NR2E1: variants seen among roughly 807,000 people sequenced by gnomAD.
NR2E1 encodes the protein nuclear receptor subfamily 2 group E member 1.
Under a neutral mutation model 43.6 loss-of-function variants are expected in NR2E1, and 5 were observed. The ratio of observed to expected loss-of-function variants is 0.11; its 90% CI spans 0.06 to 0.24. The LOEUF (loss-of-function observed/expected upper bound fraction) is 0.24, where lower values mean the gene tolerates loss of function less well. Ranked by LOEUF, NR2E1 falls within the 10% of genes least tolerant of loss-of-function variation. The pLI, the probability that NR2E1 is intolerant of heterozygous loss-of-function variation, is 1.00. For missense variants in NR2E1, 287 were observed against 496.7 expected, an observed-to-expected ratio of 0.58 and a Z score of 4.01; for synonymous variants, 191 against 195.5, an observed-to-expected ratio of 0.98 and a Z score of 0.19.
At chr6:108,176,091 A>G in intron 3 of NR2E1, 1 of 185,846 alleles carries the variant, frequency 5.4e-6, no homozygotes, top group Non-Finnish European at 1.1e-5. Context: ...GTCTGCGCAG[A>G]AACGAGGTGT....
rs1387192394 is a variant in NR2E1 at position 108,176,404 on chromosome 6, C to T, written c.260-99C>T. On this transcript the variant is annotated intron_variant, in intron 3 of 8. Transcript: ENST00000368986. ...TTCACCTCTTGGGCGATTTTGCCCG[C>T]CCAGACTTGACATTGGGGCGGGGCT... The T allele has an allele frequency of 3.1e-6, 4 of 1,270,038 alleles. No homozygotes were observed. In the East Asian group the frequency reaches 9.9e-5, roughly 31 times the overall value. 78.7% of individuals were successfully genotyped at this position (1,270,038 alleles called of 1,614,324 possible). A position where few individuals can be genotyped will look rare whatever the true frequency, so the allele number is the denominator to read the frequency against.
Position 108,188,016 on chromosome 6 carries a change from G to A in NR2E1, c.*553G>A, listed in dbSNP as rs1331973923. On this transcript the variant is annotated 3_prime_UTR_variant, in exon 9 of 9. Transcript: ENST00000368986. Reference sequence around the variant, plus strand: ...TCAGAACTGAGTTAATAAGTGAAAAGTAGCTTATGCCATGTGATTTGCTTT... The same window carrying A: ...TCAGAACTGAGTTAATAAGTGAAAAATAGCTTATGCCATGTGATTTGCTTT... 2 of 155,874 alleles carry A rather than the reference G, an allele frequency of 1.3e-5. No homozygotes were observed. Among genetic ancestry groups the A allele is most frequent in the Non-Finnish European group, 2.9e-5 (2 of 70,084 alleles). 9.7% of individuals were successfully genotyped at this position (155,874 alleles called of 1,614,324 possible).
chr6:108,178,177 T>C lies in NR2E1; in HGVS notation c.578T>C (p.Leu193Pro). Residue 193 changes from leucine (L) to proline (P), a missense_variant, in exon 5 of 9, where the codon CTC becomes CCC. By Grantham distance (98) the Leu-to-Pro change is moderately conservative (BLOSUM62 -3). Around this residue, in one of 4 missense-constraint regions of NR2E1, gnomAD observed 119 missense variants for 155.7 expected, o/e 0.76. Coordinates refer to ENST00000368986, the MANE Select transcript of NR2E1 (RefSeq NM_003269.5). Reference sequence around the variant, plus strand: ...GTGTGTGAATCAGCTGCCAGACTTCTCTTCATGAGCATCAAGTGGGCTAAG... The same window carrying C: ...GTGTGTGAATCAGCTGCCAGACTTCCCTTCATGAGCATCAAGTGGGCTAAG... Reference protein sequence around the residue: ...ESVCESAARLLFMSIKWAKSV... With the variant: ...ESVCESAARLPFMSIKWAKSV... 6.2e-7 allele frequency: 1 copy of C among 1,614,204 alleles called. No individual in the cohort carries two copies. The highest frequency in any genetic ancestry group is 8.5e-7 in the Non-Finnish European group (1 of 1,180,028).
chr6:108,185,364 A>C (rs1380758885), intron 8 of NR2E1, among the ~76,000 whole-genome samples: 1 of 150,616 alleles, frequency 6.6e-6, no homozygotes, highest in Admixed American at 6.7e-5. Context: ...TTGATTAGTC[A>C]GACCTTCTCT....
chr6:108,176,000 C>T (rs75343073), intron 3 of NR2E1: 9,668 of 158,826 alleles, frequency 0.061, 388 homozygotes, highest in Middle Eastern at 0.13. Context: ...TTTCCTCCTG[C>T]GGCCCTCGGA....
Position 108,181,669 on chromosome 6 carries a change from T to C in NR2E1, c.995+18T>C. The C allele has an allele frequency of 6.2e-7, 1 of 1,600,540 alleles. No individual in the cohort carries two copies. Among genetic ancestry groups the C allele is most frequent in the Non-Finnish European group, 8.6e-7 (1 of 1,167,626 alleles). On this transcript the variant is annotated intron_variant, in intron 8 of 8. Coordinates refer to ENST00000368986, the MANE Select transcript of NR2E1 (RefSeq NM_003269.5). ...CATACCAGGTGACCCTTGTTTGCCTTGAACATGTACTTAAGAAAATTGCCT... is the reference window on the plus strand; with the variant it reads ...CATACCAGGTGACCCTTGTTTGCCTCGAACATGTACTTAAGAAAATTGCCT...
chr6:108,178,729 A>T, intron 5 of NR2E1: 1 of 227,862 alleles, frequency 4.4e-6, no homozygotes, highest in Non-Finnish European at 8.9e-6. Flanking sequence ...TCATTAATTG[A>T]TAAGCATGTA....
chr6:108,174,736 G>A lies in NR2E1; in HGVS notation c.172-100G>A, dbSNP rs2233490. The A allele has an allele frequency of 1.1e-3, 1,049 of 960,902 alleles. 6 individuals are homozygous for A. The African/African-American group carries it at 0.015, about 14-fold the overall frequency. 59.5% of individuals were successfully genotyped at this position (960,902 alleles called of 1,614,324 possible). Reference sequence around the variant, plus strand: ...TCGGGGCTCCAGGGCCTGCGGCCGGGCAAGGTCGCGCCTCCACACCGTTTC... The same window carrying A: ...TCGGGGCTCCAGGGCCTGCGGCCGGACAAGGTCGCGCCTCCACACCGTTTC... On this transcript the variant is annotated intron_variant, in intron 2 of 8. Coordinates refer to ENST00000368986, the MANE Select transcript of NR2E1 (RefSeq NM_003269.5).
rs1773767404 is a variant in NR2E1 at position 108,169,393 on chromosome 6, A to T, written c.26-2065A>T. On this transcript the variant is annotated intron_variant, in intron 1 of 8. Coordinates refer to ENST00000368986, the MANE Select transcript of NR2E1 (RefSeq NM_003269.5). This position sits in a 1 kb window ranked among gnomAD's most constrained non-coding sequence, Gnocchi z 6.1. Reference sequence around the variant, plus strand: ...TCCACCCTCATCGGGTTCTCCAGAGATGTTGTCATGGGCCTCCTGTCCGGA... The same window carrying T: ...TCCACCCTCATCGGGTTCTCCAGAGTTGTTGTCATGGGCCTCCTGTCCGGA... Among the ~76,000 whole-genome samples, 1 of 152,082 alleles carries T rather than the reference A, an allele frequency of 6.6e-6. No homozygotes were observed. Among genetic ancestry groups the T allele is most frequent in the East Asian group, 1.9e-4 (1 of 5,176 alleles).
rs1562406416 is a variant in NR2E1 at position 108,182,082 on chromosome 6, C to CA, written c.995+438dup. Among the ~76,000 whole-genome samples, 3 of 151,678 alleles carry CA rather than the reference C, an allele frequency of 2.0e-5. No homozygotes were observed. In the South Asian group the frequency reaches 6.3e-4, roughly 32 times the overall value. On this transcript the variant is annotated intron_variant, in intron 8 of 8. Transcript: ENST00000368986. The stretch of plus-strand genomic sequence containing the variant: ...GAAACCCCGTCTCTACTAAATAATA[C>CA]AAAAAAATTAGCTGGGTGTGGTGGT...
At chr6:108,184,374 G>A (rs1200935052) in intron 8 of NR2E1, among the ~76,000 whole-genome samples, 2 of 152,198 alleles carry the variant, frequency 1.3e-5, no homozygotes, top group Non-Finnish European at 2.9e-5. Flanking sequence ...ATGCAGGGCT[G>A]CAGGTGGGCG....
intron 8 of NR2E1, among the ~76,000 whole-genome samples, chr6:108,183,332 C>T (rs1774021503): frequency 6.7e-6 from 1 of 149,548 alleles, no homozygotes; most frequent in South Asian, 2.1e-4. Context: ...AAGACCCCAT[C>T]TCCACCAAAA....
rs1471522364 is a variant in NR2E1 at position 108,176,696 on chromosome 6, A to G, written c.453A>G (p.Pro151=). The G allele has an allele frequency of 1.3e-6, 2 of 1,594,140 alleles. No homozygotes were observed. Among genetic ancestry groups the G allele is most frequent in the South Asian group, 1.1e-5 (1 of 89,354 alleles). Residue 151 remains proline (P), a synonymous_variant, in exon 4 of 9, where the codon CCA becomes CCG. Coordinates refer to ENST00000368986, the MANE Select transcript of NR2E1 (RefSeq NM_003269.5). ...AGCTGGCCGCGGTGTCCACCACTCC[A>G]GAGCGGCAGACCCTCGTGAGCCTGG... ...GLELAAVSTT[P]ERQTLVSLAQ... is the part of the protein sequence containing the mutation.
chr6:108,175,209 C>T (rs1172784233), intron 3 of NR2E1, among the ~76,000 whole-genome samples: 2 of 152,204 alleles, frequency 1.3e-5, no homozygotes, highest in Non-Finnish European at 2.9e-5. Flanking sequence ...TCCAGGGGAC[C>T]GGCGCGCATT....
intron 5 of NR2E1, among the ~76,000 whole-genome samples, 154 bp downstream of exon 5, chr6:108,178,395 T>G (rs1411231997): frequency 6.6e-6 from 1 of 152,256 alleles, no homozygotes; most frequent in Non-Finnish European, 1.5e-5. Context: ...ACTTGCTTCT[T>G]CCTGTGGGTT....
chr6:108,167,523 C>T (rs549271069), intron 1 of NR2E1, among the ~76,000 whole-genome samples: 121 of 152,270 alleles, frequency 7.9e-4, no homozygotes, highest in African/African-American at 2.6e-3. Flanking sequence ...CCGAGACTCA[C>T]GAGCGCAGGG....
Position 108,166,860 on chromosome 6 carries a change from G to A in NR2E1, c.25+70G>A. ...GGGCGAGCGAGCGGGGAGGCTGGGG[G>A]AGGTCCTGCCTGGAGCGCTGCGAAT... On this transcript the variant is annotated intron_variant, in intron 1 of 8. Transcript: ENST00000368986. The surrounding 1 kb of genome is among the most constrained non-coding windows in gnomAD (Gnocchi z 7.2). 1 of 1,476,410 alleles carries A rather than the reference G, an allele frequency of 6.8e-7. No individual in the cohort carries two copies. Among genetic ancestry groups the A allele is most frequent in the East Asian group, 2.4e-5 (1 of 42,278 alleles). 91.5% of individuals were successfully genotyped at this position (1,476,410 alleles called of 1,614,324 possible). A position where few individuals can be genotyped will look rare whatever the true frequency, so the allele number is the denominator to read the frequency against.
At position 108,188,542 on chromosome 6, in the gene NR2E1, CACACACA is replaced by C. The variant is rs1774113490; in HGVS notation, c.*1080_*1086del. The C allele has an allele frequency of 6.6e-6, 1 of 151,562 alleles. No individual in the cohort carries two copies. Among genetic ancestry groups the C allele is most frequent in the Non-Finnish European group, 1.5e-5 (1 of 68,348 alleles). 9.4% of individuals were successfully genotyped at this position (151,562 alleles called of 1,614,324 possible). ...ACACACACACACACACACACACACA[CACACACA>C]CACCGTCCTACACTTTAAGCTGCTC... On this transcript the variant is annotated 3_prime_UTR_variant, in exon 9 of 9. Coordinates refer to ENST00000368986, the MANE Select transcript of NR2E1 (RefSeq NM_003269.5).
chr6:108,175,035 C>T, intron 3 of NR2E1, 112 bp downstream of exon 3: 1 of 1,012,068 alleles, frequency 9.9e-7, no homozygotes, highest in East Asian at 2.6e-5. Flanking sequence ...CGCTTCTTTC[C>T]AGATGCTGGG....
Sources: allele counts gnomAD v4.1 joint callset (sites outside exome capture counted in the v4.1 genomes callset), GRCh38; gene constraint gnomAD v4.1.1; regional missense constraint gnomAD v4.1.1; non-coding constraint Gnocchi (gnomAD v3.1); transcripts MANE v1.5; gene names NCBI Gene and HGNC (gene_info 2026-07-23, HGNC 2026-07-21).